CDC42: variants seen among roughly 807,000 people sequenced by gnomAD.
CDC42 encodes cell division control protein 42 homolog.
CDC42 carries 1 observed loss-of-function variant against 20.8 expected under a neutral mutation model. The ratio of observed to expected loss-of-function variants is 0.05; its 90% CI spans 0.02 to 0.23. The LOEUF is 0.23. CDC42 is among the 10% of genes least tolerant of loss of function. The probability of loss-of-function intolerance (pLI) is 1.00; values close to 1 mark genes in which losing one functional copy is unlikely to be tolerated. For missense variants in CDC42, 49 were observed against 227.9 expected (o/e 0.21, Z 5.05); for synonymous variants, 72 against 84.8 (o/e 0.85, Z 0.83).
chr1:22,063,409 G>C (rs1158059083), intron 1 of CDC42, among the ~76,000 whole-genome samples: 1 of 152,002 alleles, frequency 6.6e-6, no homozygotes, highest in Non-Finnish European at 1.5e-5. Context: ...GCCTTTGAAG[G>C]CAAGATTTCT....
At position 22,093,342 on chromosome 1, in the gene CDC42, T is replaced by C. The variant is rs993552239; in HGVS notation, c.*1825T>C. ...GAGTGCAGCTTGAACAATGTGATTTTTAAGTTTTCCAGGCATTTCTAAAAT... is the reference window on the plus strand; with the variant it reads ...GAGTGCAGCTTGAACAATGTGATTTCTAAGTTTTCCAGGCATTTCTAAAAT... On this transcript the variant is annotated 3_prime_UTR_variant, in exon 6 of 6. Transcript: ENST00000656825. Among the ~76,000 whole-genome samples the C allele has an allele frequency of 2.0e-5, 3 of 152,190 alleles. No homozygotes were observed. Among genetic ancestry groups the C allele is most frequent in the African/African-American group, 7.2e-5 (3 of 41,434 alleles).
chr1:22,071,487 A>G (rs140132301), intron 1 of CDC42, among the ~76,000 whole-genome samples: 17 of 152,336 alleles, frequency 1.1e-4, no homozygotes, highest in Non-Finnish European at 2.5e-4. Context: ...CATGGAATAC[A>G]TTGCTGTGGT....
rs1210597931 is a variant in CDC42, at chr1:22,095,568, C to T, written c.*4051C>T. ...ACAGGCGTGAGCCACCGCGCCTGGC[C>T]AGAATGAATACTTTTAATTACTACT... On this transcript the variant is annotated 3_prime_UTR_variant, in exon 6 of 6. Transcript: ENST00000656825. 6.6e-6 allele frequency among the ~76,000 whole-genome samples: 1 copy of T among 152,168 alleles called. No homozygotes were observed. Among genetic ancestry groups the T allele is most frequent in the East Asian group, 1.9e-4 (1 of 5,194 alleles).
At chr1:22,071,181 C>CTA (rs1410098139) in intron 1 of CDC42, among the ~76,000 whole-genome samples, 2 of 150,776 alleles carry the variant, frequency 1.3e-5, no homozygotes, top group African/African-American at 2.4e-5. Context: ...GTAGCTGGGA[C>CTA]TACAGGCGCC....
At chr1:22,058,030 CCTT>C (rs1232527445) in intron 1 of CDC42, among the ~76,000 whole-genome samples, 3 of 152,154 alleles carry the variant, frequency 2.0e-5, no homozygotes, top group African/African-American at 7.2e-5. Context: ...ATTCCGGCCT[CCTT>C]TACATTTTTA....
chr1:22,070,084 A>G (rs537213327), intron 1 of CDC42, among the ~76,000 whole-genome samples: 1 of 152,296 alleles, frequency 6.6e-6, no homozygotes, highest in East Asian at 1.9e-4. Context: ...CACTGTGCCC[A>G]GCCTCTGGGT....
intron 3 of CDC42, among the ~76,000 whole-genome samples, chr1:22,082,251 TTTA>T (rs1384534372): frequency 2.0e-5 from 3 of 151,770 alleles, no homozygotes; most frequent in Non-Finnish European, 3.0e-5. Context: ...ATTTACAGTA[TTTA>T]TTATTATTAC....
At chr1:22,090,135 C>A in intron 5 of CDC42, 1 of 1,450,514 alleles carries the variant, frequency 6.9e-7, no homozygotes, top group Non-Finnish European at 9.2e-7. Context: ...AAAGCCTCTG[C>A]GTCTTTTTAC....
chr1:22,099,335 GT>G lies in CDC42; in HGVS notation c.*7820del, dbSNP rs1645775759. On this transcript the variant is annotated 3_prime_UTR_variant, in exon 6 of 6. Coordinates refer to ENST00000656825, the MANE Select transcript of CDC42 (RefSeq NM_001791.4). The stretch of plus-strand genomic sequence containing the variant: ...CTCTTACTGTGTGCCTTTGCACTGT[GT>G]TAAGCACATGGTGTTATCACACTTG... 6.6e-6 allele frequency among the ~76,000 whole-genome samples: 1 copy of G among 152,236 alleles called. No individual in the cohort carries two copies. The highest frequency in any genetic ancestry group is 2.1e-4 in the South Asian group (1 of 4,838).
At chr1:22,087,840 T>C (rs1237050770) in intron 5 of CDC42, among the ~76,000 whole-genome samples, 1 of 152,248 alleles carries the variant, frequency 6.6e-6, no homozygotes, top group Non-Finnish European at 1.5e-5. Context: ...CTAGGGTAAA[T>C]GGCATATATG....
intron 1 of CDC42, among the ~76,000 whole-genome samples, chr1:22,070,263 A>C (rs1645470735): frequency 6.6e-6 from 1 of 152,162 alleles, no homozygotes; most frequent in African/African-American, 2.4e-5. Context: ...TGCTAGCTGT[A>C]ATAAATAAAT....
chr1:22,073,075 T>C (rs958390864), intron 1 of CDC42, among the ~76,000 whole-genome samples: 2 of 152,122 alleles, frequency 1.3e-5, no homozygotes, highest in African/African-American at 2.4e-5. Flanking sequence ...TCCATACAGA[T>C]CGTTTGCTCA....
chr1:22,069,639 T>TA (rs1557897724), intron 1 of CDC42, among the ~76,000 whole-genome samples: 1 of 114,288 alleles, frequency 8.7e-6, no homozygotes, highest in Non-Finnish European at 1.9e-5. Context: ...TTTTTTTTTT[T>TA]AATTTTTTGT....
intron 5 of CDC42, chr1:22,090,399 A>G: frequency 1.0e-6 from 1 of 1,003,164 alleles, no homozygotes; most frequent in Non-Finnish European, 1.2e-6. Flanking sequence ...AGTAACACAA[A>G]CATCATTTTA....
rs1043479868 is a variant in CDC42, at chr1:22,093,598, A to G, written c.*2081A>G. 2.6e-5 allele frequency among the ~76,000 whole-genome samples: 4 copies of G among 152,234 alleles called. No individual in the cohort carries two copies. Among genetic ancestry groups the G allele is most frequent in the African/African-American group, 9.6e-5 (4 of 41,452 alleles). On this transcript the variant is annotated 3_prime_UTR_variant, in exon 6 of 6. Transcript: ENST00000656825. ...TGGCCTCATTTTGATAGTTCTCTGC[A>G]TGGAGTCATGTTTGGCATGATTTGC... is the stretch of plus-strand genomic sequence containing the variant.
chr1:22,079,138 T>C (rs1304744531), intron 2 of CDC42, among the ~76,000 whole-genome samples: 2 of 100,540 alleles, frequency 2.0e-5, no homozygotes, highest in Non-Finnish European at 3.9e-5. Flanking sequence ...TTTCTTTTTT[T>C]CTTTTTTTTT....
At chr1:22,072,179 G>A (rs1645500072) in intron 1 of CDC42, among the ~76,000 whole-genome samples, 1 of 134,442 alleles carries the variant, frequency 7.4e-6, no homozygotes, top group Admixed American at 9.0e-5. Context: ...CTCACTGCAA[G>A]CTCTGCCTCC....
chr1:22,069,944 T>C (rs1236862602), intron 1 of CDC42, among the ~76,000 whole-genome samples: 1 of 151,950 alleles, frequency 6.6e-6, no homozygotes, highest in East Asian at 1.9e-4. Flanking sequence ...CATGCCACCA[T>C]GCCCAGCTAA....
At chr1:22,069,100 G>C (rs1248669983) in intron 1 of CDC42, among the ~76,000 whole-genome samples, 6 of 150,852 alleles carry the variant, frequency 4.0e-5, no homozygotes, top group African/African-American at 1.5e-4. Context: ...TGAATGAGTA[G>C]ATGAATGAGT....
Sources: gnomAD v4.1 joint callset for allele counts (sites outside exome capture counted in the v4.1 genomes callset) on GRCh38, gnomAD v4.1.1 for gene constraint, MANE v1.5 for transcripts, NCBI Gene and HGNC (gene_info 2026-07-23, HGNC 2026-07-21) for gene names.